The following FBXL17 variants were observed in gnomAD, a reference collection of about 807,000 sequenced individuals.
The protein encoded by FBXL17 is F-box/LRR-repeat protein 17.
In FBXL17, 22 loss-of-function variants were observed where a neutral mutation model predicts 66.2. The ratio of observed to expected loss-of-function variants is 0.33; its 90% CI spans 0.24 to 0.47. The LOEUF is 0.47. Among genes scored for constraint, FBXL17 ranks in the 20% least tolerant of loss-of-function variants. The pLI is 1.00. For missense variants in FBXL17, 878 were observed against 948.2 expected (o/e 0.93, Z 0.97); for synonymous variants, 474 against 400.5 (o/e 1.18, Z -2.19).
chr5:107,879,409 G>A (rs539820662), intron 8 of FBXL17: 127 of 985,402 alleles, frequency 1.3e-4, no homozygotes, highest in Admixed American at 7.4e-4. Context: ...GGTTAGCAGC[G>A]GCATTAGGTT....
intron 7 of FBXL17, among the ~76,000 whole-genome samples, chr5:108,012,794 T>A (rs1406864296): frequency 6.6e-6 from 1 of 152,126 alleles, no homozygotes; most frequent in Non-Finnish European, 1.5e-5. Context: ...GGCAGGCGGA[T>A]CACCTGATGT....
intron 6 of FBXL17, among the ~76,000 whole-genome samples, chr5:108,163,860 T>C (rs1210067029): frequency 6.6e-6 from 1 of 152,244 alleles, no homozygotes; most frequent in Admixed American, 6.5e-5. Flanking sequence ...TCCACCTAAT[T>C]GCCTGAAATA....
intron 7 of FBXL17, among the ~76,000 whole-genome samples, chr5:107,957,884 TTTTAA>T (rs1302593607): frequency 6.6e-6 from 1 of 152,126 alleles, no homozygotes; most frequent in Non-Finnish European, 1.5e-5. Context: ...CACAGAGCAG[TTTTAA>T]GATGACCTGG....
intron 2 of FBXL17, among the ~76,000 whole-genome samples, chr5:108,367,511 T>C (rs1284996773): frequency 6.6e-6 from 1 of 152,138 alleles, no homozygotes; most frequent in Non-Finnish European, 1.5e-5. Flanking sequence ...TTTGCCATCA[T>C]TTTCTACTAT....
At chr5:107,926,587 C>T (rs1410457765) in intron 7 of FBXL17, among the ~76,000 whole-genome samples, 1 of 151,350 alleles carries the variant, frequency 6.6e-6, no homozygotes, top group East Asian at 1.9e-4. Flanking sequence ...CTCTGGCAAA[C>T]CTCCTACTCA....
At chr5:108,300,999 T>C (rs1758565927) in intron 4 of FBXL17, among the ~76,000 whole-genome samples, 1 of 151,842 alleles carries the variant, frequency 6.6e-6, no homozygotes, top group Non-Finnish European at 1.5e-5. Context: ...AGTATACATA[T>C]ACATGTACAC....
chr5:108,112,203 C>G (rs575333593), intron 6 of FBXL17, among the ~76,000 whole-genome samples: 1 of 150,884 alleles, frequency 6.6e-6, no homozygotes, highest in Non-Finnish European at 1.5e-5. Flanking sequence ...CCAATTGAGT[C>G]TTTGGTTGAA....
intron 4 of FBXL17, among the ~76,000 whole-genome samples, chr5:108,304,197 A>G (rs937728525): frequency 2.0e-5 from 3 of 152,118 alleles, no homozygotes; most frequent in Non-Finnish European, 4.4e-5. Context: ...CAAAATTTCT[A>G]TGAAAATTTT....
chr5:108,033,862 C>G (rs1361685977), intron 6 of FBXL17, among the ~76,000 whole-genome samples: 1 of 152,052 alleles, frequency 6.6e-6, no homozygotes, highest in East Asian at 1.9e-4. Flanking sequence ...CAATTCTACT[C>G]TTATTATTTT....
intron 4 of FBXL17, among the ~76,000 whole-genome samples, chr5:108,233,589 C>G (rs1191125695): frequency 6.6e-6 from 1 of 152,164 alleles, no homozygotes; most frequent in Non-Finnish European, 1.5e-5. Context: ...AGATAACCCT[C>G]AGATTCAACA....
At chr5:108,019,930 T>TAA (rs61598228) in intron 7 of FBXL17, among the ~76,000 whole-genome samples, 22,006 of 149,722 alleles carry the variant, frequency 0.15, 1,656 homozygotes, top group East Asian at 0.17. Flanking sequence ...TTTCTAAATG[T>TAA]AAAAAAAAAA....
At chr5:108,182,042 C>T (rs1202869388) in intron 6 of FBXL17, among the ~76,000 whole-genome samples, 1 of 152,108 alleles carries the variant, frequency 6.6e-6, no homozygotes, top group Non-Finnish European at 1.5e-5. Context: ...CTATCAATTA[C>T]CTGAGTAATA....
At chr5:108,170,884 G>A (rs1040210832) in intron 6 of FBXL17, among the ~76,000 whole-genome samples, 1 of 152,088 alleles carries the variant, frequency 6.6e-6, no homozygotes, top group Admixed American at 6.6e-5. Flanking sequence ...TAAATATAGT[G>A]GTGATTATGT....
rs777495628 is a variant in FBXL17 at position 108,339,172 on chromosome 5, CCTTT to C, written c.1506+9223_1506+9226del. ...AAAAGCTAATTCTCCAATTCTCCTTCCTTTAAGTTTAGTCACTGAAATAACTGGG... is the reference window on the plus strand; with the variant it reads ...AAAAGCTAATTCTCCAATTCTCCTTCAAGTTTAGTCACTGAAATAACTGGG... On this transcript the variant is annotated intron_variant, in intron 4 of 8. Coordinates refer to ENST00000542267, the MANE Select transcript of FBXL17 (RefSeq NM_001163315.3). Among the ~76,000 whole-genome samples, 22 of 152,262 alleles carry C rather than the reference CCTTT, an allele frequency of 1.4e-4. 1 individual carries two copies. The highest frequency in any genetic ancestry group is 5.8e-4 in the East Asian group (3 of 5,178).
intron 4 of FBXL17, among the ~76,000 whole-genome samples, chr5:108,232,857 T>C (rs951721568): frequency 6.9e-6 from 1 of 145,614 alleles, no homozygotes; most frequent in African/African-American, 2.5e-5. Context: ...ACACAACAGT[T>C]TATTCATTTT....
rs1024200789 is a variant in FBXL17 at position 108,381,724 on chromosome 5, G to A, written c.-33C>T. ...GCCCCGAGGAGGGGGACCGGGACGG[G>A]AGGGAGGGAGACCCAGAGAGGCGGG... On this transcript the variant is annotated 5_prime_UTR_variant, in exon 1 of 9. Coordinates refer to ENST00000542267, the MANE Select transcript of FBXL17 (RefSeq NM_001163315.3). The A allele has an allele frequency of 7.1e-7, 1 of 1,409,120 alleles. No homozygotes were observed. Among genetic ancestry groups the A allele is most frequent in the Admixed American group, 3.2e-5 (1 of 31,450 alleles). The allele number at this position is 1,409,120 out of a possible 1,614,324, so 87.3% of individuals were successfully genotyped here. A position where few individuals can be genotyped will look rare whatever the true frequency, so the allele number is the denominator to read the frequency against.
chr5:108,097,793 A>AAT (rs1450587787), intron 6 of FBXL17, among the ~76,000 whole-genome samples: 1 of 151,710 alleles, frequency 6.6e-6, no homozygotes, highest in East Asian at 1.9e-4. Flanking sequence ...CAGAAAAAAA[A>AAT]AAAAAATTAT....
At chr5:108,283,642 C>T (rs903865104) in intron 4 of FBXL17, among the ~76,000 whole-genome samples, 1 of 151,428 alleles carries the variant, frequency 6.6e-6, no homozygotes, top group Non-Finnish European at 1.5e-5. Context: ...TAGATTAAGA[C>T]CTCAAAAGCA....
At chr5:108,118,855 T>C (rs1750366726) in intron 6 of FBXL17, among the ~76,000 whole-genome samples, 1 of 152,160 alleles carries the variant, frequency 6.6e-6, no homozygotes, top group Non-Finnish European at 1.5e-5. Context: ...CAGATCTATT[T>C]TACACATGTG....
Sources: allele counts gnomAD v4.1 joint callset (sites outside exome capture counted in the v4.1 genomes callset), GRCh38; gene constraint gnomAD v4.1.1; transcripts MANE v1.5; gene names NCBI Gene and HGNC (gene_info 2026-07-23, HGNC 2026-07-21).